Variants in SYNE1 observed in about 807,000 individuals in gnomAD.
SYNE1 encodes nesprin-1.
In SYNE1, 616 loss-of-function variants were observed where a neutral mutation model predicts 1,111.0. The ratio of observed to expected loss-of-function variants is 0.55; its 90% CI spans 0.52 to 0.59. The LOEUF (loss-of-function observed/expected upper bound fraction) is 0.59, where lower values mean the gene tolerates loss of function less well. Ranked by LOEUF, SYNE1 falls within the 20% of genes least tolerant of loss-of-function variation. SYNE1 has a pLI of 0.00. For synonymous variants in SYNE1, 3,855 were observed against 3,825.8 expected (o/e 1.01, Z -0.28); for missense variants, 10,006 against 10,417.0 (o/e 0.96, Z 1.72).
chr6:152,372,351 A>C (rs1389038531), intron 59 of SYNE1, among the ~76,000 whole-genome samples: 1 of 152,214 alleles, frequency 6.6e-6, no homozygotes, highest in Non-Finnish European at 1.5e-5. Context: ...TTTCTCTATC[A>C]TTATCTTTTT....
chr6:152,165,317 T>C (rs979539435), intron 130 of SYNE1, among the ~76,000 whole-genome samples: 8 of 152,192 alleles, frequency 5.3e-5, no homozygotes, highest in African/African-American at 1.9e-4. Flanking sequence ...ATCACTTCTG[T>C]TCCAGTTTCA....
chr6:152,208,955 C>T (rs960073028), intron 124 of SYNE1, among the ~76,000 whole-genome samples: 2 of 146,536 alleles, frequency 1.4e-5, no homozygotes, highest in African/African-American at 5.5e-5. Flanking sequence ...GTGTTCTTAC[C>T]TCTCTGTTTT....
chr6:152,635,240 A>T (rs961507105), intron 2 of SYNE1, among the ~76,000 whole-genome samples: 1 of 152,262 alleles, frequency 6.6e-6, no homozygotes, highest in Non-Finnish European at 1.5e-5. Flanking sequence ...GAAAATCATT[A>T]GTTCAGAAAG....
At chr6:152,413,592 C>A in intron 41 of SYNE1, 61 bp from the exon 42 acceptor site, 1 of 1,553,368 alleles carries the variant, frequency 6.4e-7, no homozygotes. Context: ...AATATTTCTT[C>A]TCCGTAAGTA....
chr6:152,409,209 G>C lies in SYNE1; in HGVS notation c.6399C>G (p.Asn2133Lys). The change falls in exon 44 of 146, where the codon AAC (asparagine) becomes AAG (lysine). Residue 2133 changes from asparagine (N) to lysine (K), a missense_variant. Physicochemically the swap from Asn to Lys is moderately conservative, Grantham distance 94. Transcript: ENST00000367255. Reference protein sequence around the residue: ...WAFSKHETAKNKMNYKQKDLD... With the variant: ...WAFSKHETAKKKMNYKQKDLD... ...AGTCTTTCTGTTTGTAATTCATTTTGTTCTTGGCAGTTTCATGCTGTGGAT... is the reference window on the plus strand; with the variant it reads ...AGTCTTTCTGTTTGTAATTCATTTTCTTCTTGGCAGTTTCATGCTGTGGAT... 1 of 1,613,938 alleles carries C rather than the reference G, an allele frequency of 6.2e-7. No individual in the cohort carries two copies. Among genetic ancestry groups the C allele is most frequent in the Non-Finnish European group, 8.5e-7 (1 of 1,179,962 alleles).
chr6:152,240,882 G>C (rs2085476901), intron 107 of SYNE1, among the ~76,000 whole-genome samples: 1 of 152,140 alleles, frequency 6.6e-6, no homozygotes, highest in Non-Finnish European at 1.5e-5. Flanking sequence ...CTCTCCCTCA[G>C]AAAATGGGCT....
chr6:152,358,401 G>C lies in SYNE1; in HGVS notation c.10580C>G (p.Thr3527Ser). The change falls in exon 66 of 146, where the codon ACT becomes AGT. Residue 3527 changes from threonine (T) to serine (S), a missense_variant. By Grantham distance (58) the Thr-to-Ser change is moderately conservative. Coordinates refer to ENST00000367255, the MANE Select transcript of SYNE1 (RefSeq NM_182961.4). The part of the protein sequence containing the change: ...QYSVLEGDAH[T>S]HETTLRDLQE... ...AAGATCACGCAATGTTGTCTCATGAGTGTGGGCATCACCTTCAAGAACTGA... is the reference window on the plus strand; with the variant it reads ...AAGATCACGCAATGTTGTCTCATGACTGTGGGCATCACCTTCAAGAACTGA... 1 of 1,614,180 alleles carries C rather than the reference G, an allele frequency of 6.2e-7. No homozygotes were observed. The highest frequency in any genetic ancestry group is 8.5e-7 in the Non-Finnish European group (1 of 1,180,030).
chr6:152,125,684 C>T, intron 145 of SYNE1: 1 of 206,012 alleles, frequency 4.9e-6, no homozygotes, highest in Non-Finnish European at 9.7e-6. Flanking sequence ...TATTAAATAC[C>T]TGACTAATTT....
At chr6:152,210,335 C>CA (rs1453532843) in intron 124 of SYNE1, among the ~76,000 whole-genome samples, 1 of 152,052 alleles carries the variant, frequency 6.6e-6, no homozygotes, top group African/African-American at 2.4e-5. Flanking sequence ...CTTAATGACT[C>CA]AAACATTTAT....
intron 17 of SYNE1, among the ~76,000 whole-genome samples, chr6:152,465,760 AACACATACAC>A (rs1397270272): frequency 4.5e-5 from 6 of 133,212 alleles, no homozygotes; most frequent in Admixed American, 2.9e-4. Context: ...CTCTTAGAAG[AACACATACAC>A]ACACACACAC....
rs540750381 is a variant in SYNE1, at chr6:152,384,547, T to C, written c.8652+1127A>G. On this transcript the variant is annotated intron_variant, in intron 55 of 145. Transcript: ENST00000367255. ...AGTTAAAACATACATAGTCATAAGATTTAAATAAGATAATACTTTTAAAGC... is the reference window on the plus strand; with the variant it reads ...AGTTAAAACATACATAGTCATAAGACTTAAATAAGATAATACTTTTAAAGC... 2.6e-5 allele frequency among the ~76,000 whole-genome samples: 4 copies of C among 152,302 alleles called. No individual in the cohort carries two copies. The South Asian group carries it at 8.3e-4, about 32-fold the overall frequency.
intron 38 of SYNE1, among the ~76,000 whole-genome samples, chr6:152,427,349 G>T (rs894540083): frequency 1.3e-5 from 2 of 152,158 alleles, no homozygotes; most frequent in African/African-American, 2.4e-5. Context: ...TCCAGCCTCA[G>T]AAATTATGAA....
At chr6:152,256,799 A>G (rs1420289560) in intron 101 of SYNE1, 34 bp from the exon 102 acceptor site, 13 of 1,611,174 alleles carry the variant, frequency 8.1e-6, no homozygotes, top group Non-Finnish European at 1.1e-5. Flanking sequence ...GTTGAAGAGC[A>G]TATGCATTAT....
intron 3 of SYNE1, among the ~76,000 whole-genome samples, chr6:152,617,330 G>A (rs2099658769): frequency 6.6e-6 from 1 of 152,096 alleles, no homozygotes; most frequent in South Asian, 2.1e-4. Context: ...ATATGTGTTT[G>A]TTTTTGTAGA....
intron 42 of SYNE1, chr6:152,410,383 A>G (rs1430597136): frequency 6.6e-6 from 1 of 151,366 alleles, no homozygotes; most frequent in Non-Finnish European, 1.5e-5. Context: ...GGAATATTGG[A>G]AGCTGTAGGC....
intron 37 of SYNE1, 60 bp from the exon 38 acceptor site, chr6:152,427,876 C>T: frequency 6.2e-7 from 1 of 1,611,364 alleles, no homozygotes; most frequent in East Asian, 2.2e-5. Context: ...GCAGATTAAA[C>T]CTTTGTGAAG....
intron 78 of SYNE1, among the ~76,000 whole-genome samples, chr6:152,329,475 C>G (rs978225906): frequency 2.0e-5 from 3 of 152,140 alleles, no homozygotes; most frequent in Non-Finnish European, 4.4e-5. Flanking sequence ...TGCAGTAAGC[C>G]GAGATTGCAC....
At chr6:152,510,827 A>C (rs979041044) in intron 7 of SYNE1, among the ~76,000 whole-genome samples, 184 bp downstream of exon 7, 8 of 152,196 alleles carry the variant, frequency 5.3e-5, no homozygotes, top group Admixed American at 4.6e-4. Context: ...TCCACATGCA[A>C]CAGCTTTGCA....
At position 152,233,911 on chromosome 6, in the gene SYNE1, C is replaced by T. The variant is rs2083374987; in HGVS notation, c.20582G>A (p.Ser6861Asn). 5.0e-6 allele frequency: 8 copies of T among 1,614,170 alleles called. No homozygotes were observed. The highest frequency in any genetic ancestry group is 6.8e-6 in the Non-Finnish European group (8 of 1,180,036). The change falls in exon 112 of 146, where the codon AGT (serine) becomes AAT (asparagine). Residue 6861 changes from serine (S) to asparagine (N), a missense_variant. Ser to Asn is a conservative substitution (Grantham distance 46, BLOSUM62 1). Coordinates refer to ENST00000367255, the MANE Select transcript of SYNE1 (RefSeq NM_182961.4). ...AQSSLKSSVL[S>N]TGNQLLRLKK... ...TAGTCGAAGGAGCTGATTTCCAGTA[C>T]TCAGAACAGATGATTTCAGGGAAGA...
Sources: gnomAD v4.1 joint callset for allele counts (sites outside exome capture counted in the v4.1 genomes callset) on GRCh38, gnomAD v4.1.1 for gene constraint, MANE v1.5 for transcripts, NCBI Gene and HGNC (gene_info 2026-07-23, HGNC 2026-07-21) for gene names.